The following KLF12 variants were observed in gnomAD, a reference collection of about 807,000 sequenced individuals.
KLF12 encodes Krueppel-like factor 12.
In KLF12, 9 loss-of-function variants were observed where a neutral mutation model predicts 37.8. That is an observed-to-expected ratio of 0.24 (90% confidence interval 0.14 to 0.42). KLF12 has a LOEUF of 0.42. KLF12 is among the 10% of genes least tolerant of loss of function. KLF12 has a pLI of 1.00. For synonymous variants in KLF12, 208 were observed against 202.1 expected (o/e 1.03, Z -0.25); for missense variants, 411 against 516.0 (o/e 0.80, Z 1.97).
At chr13:73,817,324 A>AAAAG (rs1555309689) in intron 4 of KLF12, among the ~76,000 whole-genome samples, 3 of 97,778 alleles carry the variant, frequency 3.1e-5, no homozygotes, top group African/African-American at 9.3e-5. Flanking sequence ...GTTTCAAAAA[A>AAAAG]AAAAGAAAAG....
the KLF12 span, among the ~76,000 whole-genome samples, chr13:74,275,517 A>C: frequency 0.031 from 4,793 of 152,300 alleles, 111 homozygotes; most frequent in Middle Eastern, 0.071. Flanking sequence ...ATGTAGAGTT[A>C]ATATATGTGT....
intron 1 of KLF12, among the ~76,000 whole-genome samples, chr13:74,105,771 C>G (rs1043563489): frequency 2.0e-5 from 3 of 152,034 alleles, no homozygotes; most frequent in African/African-American, 7.2e-5. Flanking sequence ...CACTCAAGCA[C>G]TGAAAATAAA....
At chr13:74,060,273 T>A (rs1566523326) in intron 1 of KLF12, among the ~76,000 whole-genome samples, 1 of 151,616 alleles carries the variant, frequency 6.6e-6, no homozygotes, top group African/African-American at 2.4e-5. Flanking sequence ...AACTTAAGGA[T>A]TTTTTTTTAA....
chr13:73,705,088 C>T (rs1056806879), intron 7 of KLF12, among the ~76,000 whole-genome samples: 5 of 152,136 alleles, frequency 3.3e-5, no homozygotes, highest in African/African-American at 1.2e-4. Context: ...GTGCCACTTA[C>T]AGTTCTAGTC....
At chr13:74,152,011 C>T in the KLF12 span, among the ~76,000 whole-genome samples, 3 of 152,132 alleles carry the variant, frequency 2.0e-5, no homozygotes, top group Non-Finnish European at 4.4e-5. Context: ...GCAACTAACA[C>T]TGTGAGGATG....
At chr13:74,153,509 C>A in the KLF12 span, among the ~76,000 whole-genome samples, 2 of 152,276 alleles carry the variant, frequency 1.3e-5, no homozygotes, top group Non-Finnish European at 2.9e-5. Flanking sequence ...TATCCTCCAG[C>A]TGTCATGCTT....
the KLF12 span, among the ~76,000 whole-genome samples, chr13:74,171,166 A>G: frequency 6.6e-6 from 1 of 152,218 alleles, no homozygotes; most frequent in Non-Finnish European, 1.5e-5. Flanking sequence ...GCCAAATCCC[A>G]TGTTGTTTCC....
chr13:74,190,468 G>A, the KLF12 span, among the ~76,000 whole-genome samples: 2 of 152,138 alleles, frequency 1.3e-5, no homozygotes, highest in African/African-American at 4.8e-5. Context: ...TTAAGGGGTG[G>A]TGATGAACGA....
chr13:73,818,468 T>C (rs954495655), intron 4 of KLF12, among the ~76,000 whole-genome samples: 3 of 152,208 alleles, frequency 2.0e-5, no homozygotes, highest in Admixed American at 6.5e-5. Context: ...CCTCATGTAA[T>C]AGTAGACTGA....
chr13:73,937,935 T>C (rs146020298), intron 3 of KLF12, among the ~76,000 whole-genome samples: 2,822 of 152,296 alleles, frequency 0.019, 36 homozygotes, highest in Non-Finnish European at 0.028. Flanking sequence ...CTTCTCACAT[T>C]AGCCATAACA....
chr13:74,045,564 T>C (rs149736078), intron 1 of KLF12, among the ~76,000 whole-genome samples: 7 of 151,196 alleles, frequency 4.6e-5, no homozygotes, highest in Non-Finnish European at 8.8e-5. Context: ...CTGAATAAAG[T>C]ACAGTAGGTT....
chr13:74,128,819 CTG>C (rs749167950), intron 1 of KLF12, among the ~76,000 whole-genome samples: 1 of 151,906 alleles, frequency 6.6e-6, no homozygotes, highest in South Asian at 2.1e-4. Flanking sequence ...TTTTTAAAGA[CTG>C]TTTTTCCCCC....
chr13:74,221,891 G>A, the KLF12 span, among the ~76,000 whole-genome samples: 1 of 152,128 alleles, frequency 6.6e-6, no homozygotes. Flanking sequence ...GATCATACAG[G>A]CAAGAAGACA....
chr13:74,212,095 G>C, the KLF12 span, among the ~76,000 whole-genome samples: 1 of 151,998 alleles, frequency 6.6e-6, no homozygotes, highest in African/African-American at 2.4e-5. Flanking sequence ...GTACTGGGTT[G>C]GTATTAGTTT....
At chr13:73,993,169 T>C (rs918597836) in intron 2 of KLF12, among the ~76,000 whole-genome samples, 3 of 152,140 alleles carry the variant, frequency 2.0e-5, no homozygotes, top group African/African-American at 7.2e-5. Context: ...AAGGCAGAGG[T>C]TGCAGTAAGC....
At chr13:74,292,053 C>A in the KLF12 span, among the ~76,000 whole-genome samples, 1 of 152,102 alleles carries the variant, frequency 6.6e-6, no homozygotes, top group Non-Finnish European at 1.5e-5. Context: ...GGAAATGAGA[C>A]CAAAGTTAAG....
intron 5 of KLF12, among the ~76,000 whole-genome samples, chr13:73,777,128 C>T (rs73216727): frequency 0.26 from 39,236 of 151,868 alleles, 5,248 homozygotes; most frequent in African/African-American, 0.32. Context: ...AAATTCCTTC[C>T]AGTGAATGGT....
intron 6 of KLF12, among the ~76,000 whole-genome samples, chr13:73,730,000 G>A (rs1435488371): frequency 2.6e-5 from 4 of 152,078 alleles, no homozygotes; most frequent in Non-Finnish European, 5.9e-5. Flanking sequence ...GTACATTTCT[G>A]GGACTTTAGT....
chr13:73,967,440 T>C (rs1404883252), intron 2 of KLF12, among the ~76,000 whole-genome samples: 1 of 152,054 alleles, frequency 6.6e-6, no homozygotes, highest in Non-Finnish European at 1.5e-5. Context: ...CAAGACAAAG[T>C]CAAGATTTTA....
Sources: gnomAD v4.1 joint callset for allele counts (sites outside exome capture counted in the v4.1 genomes callset) on GRCh38, gnomAD v4.1.1 for gene constraint, MANE v1.5 for transcripts, NCBI Gene and HGNC (gene_info 2026-07-23, HGNC 2026-07-21) for gene names.